Variants in ZDHHC2 observed in about 807,000 individuals in gnomAD.
The protein encoded by ZDHHC2 is zDHHC palmitoyltransferase 2, also known as palmitoyltransferase ZDHHC2.
A neutral mutation model predicts 55.6 loss-of-function variants in ZDHHC2; 51 were observed. That is an observed-to-expected ratio of 0.92 (90% CI 0.73 to 1.16). The LOEUF is 1.16. ZDHHC2 is among the 50% of genes most tolerant of loss of function. ZDHHC2 has a pLI of 0.00. For missense variants in ZDHHC2, 491 were observed against 442.4 expected, an observed-to-expected ratio of 1.11 and a Z score of -0.99; for synonymous variants, 199 against 152.9, an observed-to-expected ratio of 1.30 and a Z score of -2.22.
At chr8:17,164,020 G>A (rs1042127299) in intron 1 of ZDHHC2, among the ~76,000 whole-genome samples, 2 of 152,116 alleles carry the variant, frequency 1.3e-5, no homozygotes, top group South Asian at 4.1e-4. Flanking sequence ...TGAAAAGGGC[G>A]AAATTATCAA....
intron 12 of ZDHHC2, among the ~76,000 whole-genome samples, chr8:17,219,255 A>T (rs1450786189): frequency 3.0e-5 from 2 of 66,384 alleles, no homozygotes; most frequent in Non-Finnish European, 9.7e-5. Context: ...AAGACTCTAA[A>T]AAAAAAAAAA....
intron 9 of ZDHHC2, 93 bp downstream of exon 9, chr8:17,210,151 T>C: frequency 2.2e-6 from 3 of 1,381,526 alleles, no homozygotes; most frequent in Non-Finnish European, 2.9e-6. Context: ...CATAGGCTTG[T>C]AATTCTGTGT....
intron 4 of ZDHHC2, among the ~76,000 whole-genome samples, chr8:17,196,231 T>G (rs947479021): frequency 1.3e-5 from 2 of 152,152 alleles, no homozygotes; most frequent in African/African-American, 4.8e-5. Context: ...CCACCAAGAC[T>G]TGCCCAGAGC....
intron 8 of ZDHHC2, among the ~76,000 whole-genome samples, chr8:17,208,480 G>T (rs566699028): frequency 2.6e-4 from 40 of 152,074 alleles, no homozygotes; most frequent in African/African-American, 9.6e-4. Context: ...TAATGAGGTT[G>T]GAGAGGTAAG....
intron 1 of ZDHHC2, among the ~76,000 whole-genome samples, chr8:17,160,381 C>A (rs994477328): frequency 6.6e-6 from 1 of 152,168 alleles, no homozygotes. Flanking sequence ...TCTGAATTTG[C>A]TTACGGTTTT....
At chr8:17,215,423 A>C in intron 11 of ZDHHC2, 74 bp downstream of exon 11, 4 of 1,137,090 alleles carry the variant, frequency 3.5e-6, no homozygotes, top group Non-Finnish European at 5.2e-6. Flanking sequence ...AAAAAAATCC[A>C]TTATACTACC....
chr8:17,174,098 T>TC (rs201876057), intron 1 of ZDHHC2, among the ~76,000 whole-genome samples: 3 of 145,250 alleles, frequency 2.1e-5, no homozygotes, highest in Non-Finnish European at 3.1e-5. Context: ...TTCTTCTTCT[T>TC]TTTTTTTTTT....
intron 1 of ZDHHC2, among the ~76,000 whole-genome samples, chr8:17,172,284 C>G (rs1804893838): frequency 6.6e-6 from 1 of 152,216 alleles, no homozygotes; most frequent in Non-Finnish European, 1.5e-5. Context: ...CGTTAGCTCT[C>G]TCTTGGCCGC....
At chr8:17,168,677 C>G (rs1054006784) in intron 1 of ZDHHC2, among the ~76,000 whole-genome samples, 1 of 152,126 alleles carries the variant, frequency 6.6e-6, no homozygotes, top group African/African-American at 2.4e-5. Flanking sequence ...CTCTGGCAGC[C>G]ACCATTCTAC....
rs1351797882 is a variant in ZDHHC2 at position 17,195,527 on chromosome 8, A to G, written c.276A>G (p.Lys92=). ...AGTTCCATCTCTCTTATGCAGAGAA[A>G]GATTTGTTGGAGAGAGAGCCAAGAG... ...SKEFHLSYAE[K]DLLEREPRGE... Residue 92 remains lysine, a synonymous_variant, in exon 4 of 13, where the codon AAA becomes AAG. Coordinates refer to ENST00000262096, the MANE Select transcript of ZDHHC2 (RefSeq NM_016353.5). The G allele has an allele frequency of 6.2e-7, 1 of 1,613,736 alleles. No individual in the cohort carries two copies. Among genetic ancestry groups the G allele is most frequent in the South Asian group, 1.1e-5 (1 of 91,042 alleles).
chr8:17,195,997 A>G (rs1440410156), intron 4 of ZDHHC2, among the ~76,000 whole-genome samples: 1 of 152,202 alleles, frequency 6.6e-6, no homozygotes, highest in Non-Finnish European at 1.5e-5. Flanking sequence ...ATGAATATAA[A>G]ATGAATACTT....
At chr8:17,165,040 T>G (rs1390679892) in intron 1 of ZDHHC2, among the ~76,000 whole-genome samples, 3 of 152,302 alleles carry the variant, frequency 2.0e-5, no homozygotes, top group Admixed American at 2.0e-4. Context: ...ATGGTGTGAT[T>G]TGGAATTGTG....
rs759114642 is a variant in ZDHHC2 at position 17,174,096 on chromosome 8, C to CT, written c.131-10680dup. On this transcript the variant is annotated intron_variant, in intron 1 of 12. Coordinates refer to ENST00000262096, the MANE Select transcript of ZDHHC2 (RefSeq NM_016353.5). ...CTCTATTCTTTTTCTTCTTCTTCTT[C>CT]TTTTTTTTTTTTTAACAAGGTCTTG... 8.0e-3 allele frequency among the ~76,000 whole-genome samples: 1,141 copies of CT among 141,880 alleles called. 9 individuals are homozygous for CT. The highest frequency in any genetic ancestry group is 0.02 in the East Asian group (99 of 4,964). 93.1% of individuals were successfully genotyped at this position (141,880 alleles called of 152,430 possible).
At chr8:17,159,992 G>A (rs1804254659) in intron 1 of ZDHHC2, among the ~76,000 whole-genome samples, 2 of 152,122 alleles carry the variant, frequency 1.3e-5, no homozygotes, top group African/African-American at 4.8e-5. Context: ...TAAACTCAAA[G>A]GTAACATTTG....
intron 10 of ZDHHC2, among the ~76,000 whole-genome samples, chr8:17,212,176 C>T (rs115422195): frequency 2.8e-4 from 43 of 152,184 alleles, no homozygotes; most frequent in African/African-American, 6.3e-4. Flanking sequence ...CTTTCTTCTG[C>T]GGAATTCTAC....
chr8:17,219,452 ATAT>A (rs1216539653), intron 12 of ZDHHC2, among the ~76,000 whole-genome samples: 39 of 151,726 alleles, frequency 2.6e-4, no homozygotes, highest in African/African-American at 9.4e-4. Context: ...CTTTCCTATC[ATAT>A]GGTATAAATA....
At chr8:17,191,402 C>A (rs1012108676) in intron 3 of ZDHHC2, among the ~76,000 whole-genome samples, 1 of 152,210 alleles carries the variant, frequency 6.6e-6, no homozygotes, top group African/African-American at 2.4e-5. Flanking sequence ...CAGCCTTATT[C>A]ATTCTTTCTA....
At chr8:17,190,326 A>C (rs1805953826) in intron 3 of ZDHHC2, among the ~76,000 whole-genome samples, 1 of 152,082 alleles carries the variant, frequency 6.6e-6, no homozygotes, top group Admixed American at 6.6e-5. Context: ...ATCTCACGTA[A>C]TTTTTTACGG....
chr8:17,210,443 G>A lies in ZDHHC2; in HGVS notation c.913G>A (p.Ala305Thr), dbSNP rs561330213. ...CCTTGTTAACCAGGATCCTGAACAA[G>A]CATCTACTCCTGCAGGGCTGAATTC... Reference protein sequence around the residue: ...TCLVNQDPEQASTPAGLNSTA... With the variant: ...TCLVNQDPEQTSTPAGLNSTA... The change falls in exon 10 of 13, where the codon GCA becomes ACA. Residue 305 changes from alanine (A) to threonine (T), a missense_variant. Transcript: ENST00000262096. 161 of 1,612,956 alleles carry A rather than the reference G, an allele frequency of 1.0e-4. 2 individuals carry two copies. The South Asian group carries it at 1.6e-3, about 16-fold the overall frequency.
Sources: gnomAD v4.1 joint callset for allele counts (sites outside exome capture counted in the v4.1 genomes callset) on GRCh38, gnomAD v4.1.1 for gene constraint, MANE v1.5 for transcripts, NCBI Gene and HGNC (gene_info 2026-07-23, HGNC 2026-07-21) for gene names.